GPLD1: variants seen among roughly 807,000 people sequenced by gnomAD.
The protein encoded by GPLD1 is phosphatidylinositol-glycan-specific phospholipase D.
Under a neutral mutation model 112.6 loss-of-function variants are expected in GPLD1, and 84 were observed. The observed-to-expected ratio is 0.75, with a 90% CI of 0.63 to 0.89. The LOEUF is 0.89. GPLD1 is among the 40% of genes least tolerant of loss of function. The pLI is 0.00. For synonymous variants in GPLD1, 386 were observed against 403.8 expected (o/e 0.96, Z 0.53); for missense variants, 1,044 against 1,051.5 (o/e 0.99, Z 0.10).
chr6:24,474,051 G>A (rs1021198873), intron 5 of GPLD1, among the ~76,000 whole-genome samples: 2 of 151,810 alleles, frequency 1.3e-5, no homozygotes, highest in Non-Finnish European at 2.9e-5. Context: ...ACTTGCACCT[G>A]GGAGGCAGAG....
At chr6:24,455,389 A>C (rs1185960915) in intron 13 of GPLD1, among the ~76,000 whole-genome samples, 5 of 152,232 alleles carry the variant, frequency 3.3e-5, no homozygotes, top group African/African-American at 1.2e-4. Flanking sequence ...CCTGAAAGGA[A>C]GGACTGTCAG....
intron 7 of GPLD1, among the ~76,000 whole-genome samples, chr6:24,469,645 G>A (rs1763732475): frequency 1.7e-5 from 2 of 116,736 alleles, no homozygotes; most frequent in Admixed American, 9.3e-5. Context: ...GGGGGAGGGG[G>A]GAGGGATAGC....
intron 11 of GPLD1, among the ~76,000 whole-genome samples, chr6:24,462,242 C>A (rs1763461593): frequency 6.6e-6 from 1 of 152,162 alleles, no homozygotes; most frequent in Non-Finnish European, 1.5e-5. Flanking sequence ...AAGCAATCCT[C>A]CCGCCTCAGC....
intron 21 of GPLD1, among the ~76,000 whole-genome samples, 176 bp from the exon 22 acceptor site, chr6:24,436,912 A>G (rs557590527): frequency 6.6e-6 from 1 of 152,286 alleles, no homozygotes; most frequent in African/African-American, 2.4e-5. Flanking sequence ...ATCAATAGCA[A>G]TTACTACAGG....
intron 7 of GPLD1, among the ~76,000 whole-genome samples, chr6:24,472,124 T>C (rs555075228): frequency 7.4e-4 from 113 of 151,946 alleles, no homozygotes; most frequent in Non-Finnish European, 1.3e-3. Context: ...AACAGAAAAA[T>C]AGACTGAAAA....
chr6:24,476,128 G>A (rs1764007320), intron 4 of GPLD1, 53 bp downstream of exon 4: 7 of 972,478 alleles, frequency 7.2e-6, no homozygotes, highest in Non-Finnish European at 1.1e-5. Context: ...TGCAAACACA[G>A]TGCATGGCAG....
chr6:24,437,510 T>C (rs1023481936), intron 20 of GPLD1, among the ~76,000 whole-genome samples: 25 of 152,202 alleles, frequency 1.6e-4, no homozygotes, highest in African/African-American at 6.0e-4. Flanking sequence ...GGTATTCTTT[T>C]TTCCAGTCTT....
rs1754747173 is a variant in GPLD1, at chr6:24,448,150, A to G, written c.1505T>C (p.Ile502Thr). The change falls in exon 16 of 25, where the codon ATC becomes ACC. Residue 502 changes from isoleucine (I) to threonine (T), a missense_variant. Physicochemically the swap from Ile to Thr is moderately conservative, Grantham distance 89. Transcript: ENST00000230036. ...TAAACATACCTGGCAAGAAATGGTG[A>G]TGTTAGGGGAAGAAGACATTCCTCC... is the stretch of plus-strand genomic sequence containing the variant. ...KQGGMSSSPN[I>T]TISCQDIYCN... is the part of the protein sequence containing the mutation. The G allele has an allele frequency of 6.2e-7, 1 of 1,611,664 alleles. No homozygotes were observed. The highest frequency in any genetic ancestry group is 8.5e-7 in the Non-Finnish European group (1 of 1,179,376).
chr6:24,473,011 G>A (rs531425633), intron 6 of GPLD1: 40 of 157,436 alleles, frequency 2.5e-4, no homozygotes, highest in Middle Eastern at 3.3e-3. Context: ...CCTGACCTCA[G>A]GTGATCCACC....
chr6:24,449,788 C>T lies in GPLD1; in HGVS notation c.1446+1G>A. 6.2e-7 allele frequency: 1 copy of T among 1,603,912 alleles called. No homozygotes were observed. The highest frequency in any genetic ancestry group is 2.2e-5 in the East Asian group (1 of 44,810). On this transcript the variant is annotated splice_donor_variant, in intron 15 of 24. Coordinates refer to ENST00000230036, the MANE Select transcript of GPLD1 (RefSeq NM_001503.4). LOFTEE classifies it high-confidence loss of function. ...CCAACCCTATCCAGCAGCAGCCTTA[C>T]TTTGTAGGTGAGCTGCTCGGAGCCC...
At chr6:24,448,055 C>T (rs1762968502) in intron 16 of GPLD1, 22 bp from the exon 17 acceptor site, 11 of 1,613,338 alleles carry the variant, frequency 6.8e-6, no homozygotes, top group African/African-American at 1.3e-5. Context: ...ACCAGGAAAG[C>T]ACATTTTACC....
At position 24,472,530 on chromosome 6, in the gene GPLD1, A is replaced by G. The variant is rs993678449; in HGVS notation, c.545+52T>C. 138 of 996,432 alleles carry G rather than the reference A, an allele frequency of 1.4e-4. 1 individual carries two copies. In the Middle Eastern group the frequency reaches 1.5e-3, roughly 11 times the overall value. 61.7% of individuals were successfully genotyped at this position (996,432 alleles called of 1,614,324 possible). Reference sequence around the variant, plus strand: ...TTATATTTTCTAAGAAAAAAAGTCAAGGCTCTAAATGCCACTTAGATACCA... The same window carrying G: ...TTATATTTTCTAAGAAAAAAAGTCAGGGCTCTAAATGCCACTTAGATACCA... On this transcript the variant is annotated intron_variant, in intron 7 of 24. Transcript: ENST00000230036.
At chr6:24,436,075 G>C (rs984672137) in intron 22 of GPLD1, among the ~76,000 whole-genome samples, 3 of 151,790 alleles carry the variant, frequency 2.0e-5, no homozygotes, top group African/African-American at 7.3e-5. Context: ...GGGCAACATA[G>C]TGAGGCCCCA....
rs138655717 is a variant in GPLD1 at position 24,429,068 on chromosome 6, G to A, written c.2487C>T (p.Ser829=). ...AGRSSLGARL[S]GALHVYSLGS... is the part of the protein sequence containing the mutation. ...CAAGGCTATAGACGTGAAGTGCCCC[G>A]GAGAGTCGGGCTCCCAAAGAACTCC... The change falls in exon 25 of 25, where the codon TCC becomes TCT. Residue 829 remains serine, a synonymous_variant. Transcript: ENST00000230036. 12 of 1,613,610 alleles carry A rather than the reference G, an allele frequency of 7.4e-6. No homozygotes were observed. Among genetic ancestry groups the A allele is most frequent in the South Asian group, 3.3e-5 (3 of 91,010 alleles).
chr6:24,426,417 G>T lies in GPLD1; in HGVS notation c.*2615C>A, dbSNP rs1262825105. On this transcript the variant is annotated 3_prime_UTR_variant, in exon 25 of 25. Transcript: ENST00000230036. ...CCATATCAGTTGACCTTTTACAGTA[G>T]GAGTATAATTTACATTGTTTTTGAC... is the stretch of plus-strand genomic sequence containing the variant. Among the ~76,000 whole-genome samples, 9 of 152,234 alleles carry T rather than the reference G, an allele frequency of 5.9e-5. No individual in the cohort carries two copies. The South Asian group carries it at 1.7e-3, about 28-fold the overall frequency.
intron 5 of GPLD1, among the ~76,000 whole-genome samples, chr6:24,474,002 G>T (rs1193319091): frequency 6.6e-6 from 1 of 151,574 alleles, no homozygotes; most frequent in East Asian, 1.9e-4. Flanking sequence ...GGCGGGTTCT[G>T]GTAATCCCAG....
At chr6:24,461,326 G>A (rs1170476136) in intron 11 of GPLD1, among the ~76,000 whole-genome samples, 1 of 151,436 alleles carries the variant, frequency 6.6e-6, no homozygotes, top group Non-Finnish European at 1.5e-5. Flanking sequence ...GGAATGGTTT[G>A]CTAGGAAAAA....
rs185745941 is a variant in GPLD1, at chr6:24,427,411, A to G, written c.*1621T>C. Among the ~76,000 whole-genome samples, 11 of 152,346 alleles carry G rather than the reference A, an allele frequency of 7.2e-5. No individual in the cohort carries two copies. The highest frequency in any genetic ancestry group is 2.6e-4 in the African/African-American group (11 of 41,582). On this transcript the variant is annotated 3_prime_UTR_variant, in exon 25 of 25. Transcript: ENST00000230036. ...AAAGGTCCCTCATGAGATGGCTTAA[A>G]ACTAGCAGTGTCGCTAGGCTCTTTA...
intron 13 of GPLD1, among the ~76,000 whole-genome samples, chr6:24,456,270 G>T (rs148699721): frequency 6.6e-6 from 1 of 152,036 alleles, no homozygotes; most frequent in Admixed American, 6.6e-5. Flanking sequence ...ATGGTGGCGC[G>T]CACCTGTAAC....
Sources: allele counts gnomAD v4.1 joint callset (sites outside exome capture counted in the v4.1 genomes callset), GRCh38; gene constraint gnomAD v4.1.1; transcripts MANE v1.5; gene names NCBI Gene and HGNC (gene_info 2026-07-23, HGNC 2026-07-21).